Variants in GRIK2 observed in about 807,000 individuals in gnomAD.
GRIK2 encodes glutamate ionotropic receptor kainate type subunit 2, also known as glutamate receptor ionotropic, kainate 2.
GRIK2 carries 32 observed loss-of-function variants against 100.3 expected under a neutral mutation model. That is an observed-to-expected ratio of 0.32 (90% CI 0.24 to 0.43). GRIK2 has a LOEUF of 0.43. Among genes scored for constraint, GRIK2 ranks in the 20% least tolerant of loss-of-function variants. The probability of loss-of-function intolerance (pLI) is 1.00; values close to 1 mark genes in which losing one functional copy is unlikely to be tolerated. For missense variants in GRIK2, 843 were observed against 1,114.9 expected, an observed-to-expected ratio of 0.76 and a Z score of 3.47; for synonymous variants, 417 against 389.4, an observed-to-expected ratio of 1.07 and a Z score of -0.83.
intron 8 of GRIK2, among the ~76,000 whole-genome samples, chr6:101,801,064 T>C (rs1780639744): frequency 1.3e-5 from 2 of 152,172 alleles, no homozygotes; most frequent in Middle Eastern, 3.4e-3. Context: ...ATTGTGTTTT[T>C]ATCATATTTT....
chr6:101,707,452 C>A (rs947256673), intron 7 of GRIK2, among the ~76,000 whole-genome samples: 42 of 144,726 alleles, frequency 2.9e-4, no homozygotes, highest in Middle Eastern at 3.6e-3. Flanking sequence ...TATCACAATT[C>A]TTTTATATAT....
chr6:101,733,708 C>CTTTTTTTTTTTTTTTTTTTTTTTT (rs34438783), intron 7 of GRIK2, among the ~76,000 whole-genome samples: 9 of 83,938 alleles, frequency 1.1e-4, no homozygotes, highest in Non-Finnish European at 1.9e-4. Flanking sequence ...ATTCCTCTTT[C>CTTTTTTTTTTTTTTTTTTTTTTTT]TTTTTTTTTT....
chr6:101,961,199 A>T (rs1211203465), intron 14 of GRIK2, among the ~76,000 whole-genome samples: 1 of 152,144 alleles, frequency 6.6e-6, no homozygotes, highest in East Asian at 1.9e-4. Context: ...ACTCAATGTA[A>T]CTGAGGGTTC....
chr6:101,730,977 T>G (rs9322605), intron 7 of GRIK2, among the ~76,000 whole-genome samples: 5 of 151,844 alleles, frequency 3.3e-5, no homozygotes, highest in African/African-American at 1.2e-4. Context: ...GTCGTCAAAG[T>G]GATATCAAAT....
intron 7 of GRIK2, among the ~76,000 whole-genome samples, chr6:101,707,100 G>A (rs544120950): frequency 1.3e-5 from 2 of 151,850 alleles, no homozygotes; most frequent in African/African-American, 4.8e-5. Flanking sequence ...CATAGGCTCT[G>A]AATTTAAAAA....
At chr6:101,750,573 G>T (rs1295629219) in intron 7 of GRIK2, among the ~76,000 whole-genome samples, 2 of 152,108 alleles carry the variant, frequency 1.3e-5, no homozygotes, top group Admixed American at 6.5e-5. Context: ...CATGCCTATT[G>T]CACATATCTA....
At chr6:101,881,503 T>G (rs1196222568) in intron 11 of GRIK2, among the ~76,000 whole-genome samples, 1 of 151,948 alleles carries the variant, frequency 6.6e-6, no homozygotes, top group African/African-American at 2.4e-5. Context: ...ATTTGGAGTA[T>G]TGATATGCAA....
At chr6:101,789,704 C>T (rs890959113) in intron 7 of GRIK2, among the ~76,000 whole-genome samples, 13 of 152,034 alleles carry the variant, frequency 8.6e-5, no homozygotes, top group East Asian at 1.9e-4. Flanking sequence ...TTTTTGGTGC[C>T]GTATGAACTT....
intron 2 of GRIK2, among the ~76,000 whole-genome samples, chr6:101,614,682 C>T (rs180802036): frequency 6.6e-6 from 1 of 151,764 alleles, no homozygotes; most frequent in Non-Finnish European, 1.5e-5. Context: ...ATTGTTTAGA[C>T]AGGAAATAAG....
chr6:101,653,847 C>T (rs981709967), intron 4 of GRIK2, among the ~76,000 whole-genome samples: 2 of 152,076 alleles, frequency 1.3e-5, no homozygotes, highest in East Asian at 3.9e-4. Flanking sequence ...TCTCAAACAC[C>T]TGACCTCAGG....
intron 14 of GRIK2, among the ~76,000 whole-genome samples, chr6:101,958,840 A>G (rs1792108455): frequency 6.6e-6 from 1 of 151,942 alleles, no homozygotes; most frequent in African/African-American, 2.4e-5. Context: ...ATTAATTTGC[A>G]TGTGTTGAAC....
chr6:101,689,879 AG>A (rs1771969636), intron 7 of GRIK2, among the ~76,000 whole-genome samples: 1 of 152,120 alleles, frequency 6.6e-6, no homozygotes, highest in Non-Finnish European at 1.5e-5. Flanking sequence ...ATGCTCCTAG[AG>A]GTGTGCAAAT....
rs530376297 is a variant in GRIK2 at position 101,415,609 on chromosome 6, A to T, written c.115+16217A>T. Among the ~76,000 whole-genome samples, 5 of 152,014 alleles carry T rather than the reference A, an allele frequency of 3.3e-5. No homozygotes were observed. In the South Asian group the frequency reaches 1.0e-3, roughly 32 times the overall value. On this transcript the variant is annotated intron_variant, in intron 2 of 16. Coordinates refer to ENST00000369134, the MANE Select transcript of GRIK2 (RefSeq NM_021956.5). Reference sequence around the variant, plus strand: ...ATAGTCTTGATCTCCTGACCTCGTGATCCACCCGCCTCGGCCTCCCAAAGT... The same window carrying T: ...ATAGTCTTGATCTCCTGACCTCGTGTTCCACCCGCCTCGGCCTCCCAAAGT...
chr6:101,910,470 A>G (rs1343512776), intron 12 of GRIK2, among the ~76,000 whole-genome samples: 1 of 151,414 alleles, frequency 6.6e-6, no homozygotes, highest in East Asian at 1.9e-4. Flanking sequence ...AAGTGAAAGG[A>G]GATAGAAGCC....
At chr6:101,698,675 T>C (rs529098318) in intron 7 of GRIK2, among the ~76,000 whole-genome samples, 24 of 152,232 alleles carry the variant, frequency 1.6e-4, no homozygotes, top group African/African-American at 5.8e-4. Context: ...CAATGTATGG[T>C]ATTATATCAT....
intron 7 of GRIK2, among the ~76,000 whole-genome samples, chr6:101,742,295 A>T (rs1380016104): frequency 6.6e-6 from 1 of 152,172 alleles, no homozygotes; most frequent in Non-Finnish European, 1.5e-5. Flanking sequence ...AGGTGAGAGG[A>T]CAGGTCTCAA....
intron 2 of GRIK2, among the ~76,000 whole-genome samples, chr6:101,473,461 A>G (rs1772060774): frequency 6.6e-6 from 1 of 151,858 alleles, no homozygotes; most frequent in Non-Finnish European, 1.5e-5. Flanking sequence ...ATAGTCATGT[A>G]AAAAATTCTG....
intron 14 of GRIK2, among the ~76,000 whole-genome samples, chr6:101,987,318 C>A (rs1219555085): frequency 3.3e-5 from 5 of 151,714 alleles, no homozygotes; most frequent in African/African-American, 9.7e-5. Context: ...AGAATCATAG[C>A]AAATAAATTC....
At chr6:101,494,997 A>ATATATATATG (rs1773355598) in intron 2 of GRIK2, among the ~76,000 whole-genome samples, 1 of 145,720 alleles carries the variant, frequency 6.9e-6, no homozygotes, top group South Asian at 2.1e-4. Flanking sequence ...ATATATATAT[A>ATATATATATG]TATGAAGGAA....
Sources: gnomAD v4.1 joint callset for allele counts (sites outside exome capture counted in the v4.1 genomes callset) on GRCh38, gnomAD v4.1.1 for gene constraint, MANE v1.5 for transcripts, NCBI Gene and HGNC (gene_info 2026-07-23, HGNC 2026-07-21) for gene names.